ZCWPW2: variants seen among roughly 807,000 people sequenced by gnomAD.
ZCWPW2 encodes zinc finger CW-type and PWWP domain containing 2, also known as zinc finger CW-type PWWP domain protein 2.
ZCWPW2 carries 45 observed loss-of-function variants against 46.6 expected under a neutral mutation model. The ratio of observed to expected loss-of-function variants is 0.96; its 90% CI spans 0.76 to 1.24. The LOEUF is 1.24. ZCWPW2 is among the 50% of genes most tolerant of loss of function. The pLI, the probability that ZCWPW2 is intolerant of heterozygous loss-of-function variation, is 0.00. For synonymous variants in ZCWPW2, 152 were observed against 137.1 expected, an observed-to-expected ratio of 1.11 and a Z score of -0.76; for missense variants, 429 against 403.9, an observed-to-expected ratio of 1.06 and a Z score of -0.53.
intron 1 of ZCWPW2, among the ~76,000 whole-genome samples, chr3:28,351,003 C>T (rs745472818): frequency 2.6e-5 from 4 of 151,334 alleles, no homozygotes; most frequent in Admixed American, 6.6e-5. Context: ...CATATTTTCC[C>T]AAGAGGGAGT....
At chr3:28,385,362 G>C (rs553170180) in intron 1 of ZCWPW2, among the ~76,000 whole-genome samples, 31 of 152,154 alleles carry the variant, frequency 2.0e-4, no homozygotes, top group Non-Finnish European at 4.1e-4. Flanking sequence ...GGCCTGTATA[G>C]CTTTTAATTA....
At chr3:28,367,520 T>C (rs939724855) in intron 1 of ZCWPW2, among the ~76,000 whole-genome samples, 3 of 152,226 alleles carry the variant, frequency 2.0e-5, no homozygotes, top group African/African-American at 7.2e-5. Flanking sequence ...CAGTTTGTTA[T>C]AATTTCTGTT....
At chr3:28,430,619 G>C (rs1359466908) in intron 3 of ZCWPW2, among the ~76,000 whole-genome samples, 3 of 152,144 alleles carry the variant, frequency 2.0e-5, no homozygotes, top group Non-Finnish European at 4.4e-5. Context: ...GATATGGTTT[G>C]GCTCTGTGTC....
At chr3:28,368,542 G>A (rs1403091925) in intron 1 of ZCWPW2, among the ~76,000 whole-genome samples, 1 of 152,126 alleles carries the variant, frequency 6.6e-6, no homozygotes, top group Non-Finnish European at 1.5e-5. Flanking sequence ...TTAGTCTGAT[G>A]GGCTTCCCTT....
chr3:28,389,357 A>G (rs1333922073), intron 1 of ZCWPW2, among the ~76,000 whole-genome samples: 2 of 152,108 alleles, frequency 1.3e-5, no homozygotes, highest in Non-Finnish European at 2.9e-5. Context: ...CACTTTGTCC[A>G]ATAACATGAG....
At chr3:28,477,035 A>G (rs969392619) in intron 4 of ZCWPW2, among the ~76,000 whole-genome samples, 10 of 152,106 alleles carry the variant, frequency 6.6e-5, no homozygotes, top group Non-Finnish European at 2.9e-5. Context: ...GCTTTAGGGA[A>G]TATTATAGCA....
At position 28,525,465 on chromosome 3, in the gene ZCWPW2, T is replaced by TCTTGCTTTACATACACGAA. The variant is rs60365509; in HGVS notation, c.*777_*778insCTTGCTTTACATACACGAA. On this transcript the variant is annotated 3_prime_UTR_variant, in exon 10 of 10. Coordinates refer to ENST00000383768, the MANE Select transcript of ZCWPW2 (RefSeq NM_001040432.4). ...CAGTTTTAGTAGATATCCTTCTAGATATGTGTGGGCATTCACACCTATCTT... is the reference window on the plus strand; with the variant it reads ...CAGTTTTAGTAGATATCCTTCTAGATCTTGCTTTACATACACGAAATGTGTGGGCATTCACACCTATCTT... Among the ~76,000 whole-genome samples, 1 of 151,948 alleles carries TCTTGCTTTACATACACGAA rather than the reference T, an allele frequency of 6.6e-6. No homozygotes were observed. Among genetic ancestry groups the TCTTGCTTTACATACACGAA allele is most frequent in the Admixed American group, 6.6e-5 (1 of 15,246 alleles).
chr3:28,516,424 C>G (rs1043593811), intron 8 of ZCWPW2, among the ~76,000 whole-genome samples: 1 of 152,130 alleles, frequency 6.6e-6, no homozygotes, highest in Non-Finnish European at 1.5e-5. Context: ...AAGCAGAAGA[C>G]TGGGGCTTCC....
chr3:28,437,042 G>A (rs1361620126), intron 4 of ZCWPW2, among the ~76,000 whole-genome samples: 3 of 152,116 alleles, frequency 2.0e-5, no homozygotes, highest in Non-Finnish European at 2.9e-5. Context: ...ATCCTCAAAT[G>A]CTGTCTCTAT....
chr3:28,509,446 CAATA>C (rs1182024993), intron 6 of ZCWPW2, among the ~76,000 whole-genome samples: 1 of 152,060 alleles, frequency 6.6e-6, no homozygotes, highest in Non-Finnish European at 1.5e-5. Flanking sequence ...TTCCCACCAG[CAATA>C]AATAAAGATT....
intron 3 of ZCWPW2, 127 bp downstream of exon 3, chr3:28,413,527 TC>T: frequency 1.2e-6 from 1 of 814,040 alleles, no homozygotes; most frequent in Non-Finnish European, 1.8e-6. Context: ...ATTGCTCTTT[TC>T]CATACTTCTT....
chr3:28,489,591 C>T (rs1047256183), intron 5 of ZCWPW2, among the ~76,000 whole-genome samples: 11 of 151,716 alleles, frequency 7.3e-5, no homozygotes, highest in African/African-American at 2.7e-4. Context: ...AATATATAAT[C>T]ACTAAAGTGT....
At chr3:28,480,279 G>A (rs1330863716) in intron 5 of ZCWPW2, among the ~76,000 whole-genome samples, 1 of 152,168 alleles carries the variant, frequency 6.6e-6, no homozygotes, top group African/African-American at 2.4e-5. Context: ...GTGTGAGATA[G>A]TATCTCATGG....
chr3:28,379,774 C>A (rs569780261), intron 1 of ZCWPW2, among the ~76,000 whole-genome samples: 20 of 151,968 alleles, frequency 1.3e-4, no homozygotes, highest in South Asian at 6.2e-4. Flanking sequence ...AAAATGAGAA[C>A]CTTTTCCATA....
intron 3 of ZCWPW2, among the ~76,000 whole-genome samples, chr3:28,422,807 C>T (rs1477217869): frequency 2.0e-5 from 3 of 151,972 alleles, no homozygotes; most frequent in African/African-American, 7.2e-5. Flanking sequence ...AAATGCTAAA[C>T]TGTCTTCCAA....
chr3:28,373,836 TG>T (rs1252317911), intron 1 of ZCWPW2, among the ~76,000 whole-genome samples: 8 of 152,068 alleles, frequency 5.3e-5, no homozygotes, highest in Admixed American at 4.6e-4. Context: ...AAATTAGATT[TG>T]TTTGTTTTTG....
In ZCWPW2 at chr3:28,434,109, G is replaced by A. The variant is rs186033137; in HGVS notation, c.333-1001G>A. Among the ~76,000 whole-genome samples, 542 of 152,026 alleles carry A rather than the reference G, an allele frequency of 3.6e-3. 3 individuals carry two copies. The highest frequency in any genetic ancestry group is 0.012 in the African/African-American group (493 of 41,478). Reference sequence around the variant, plus strand: ...TTGTTTTTATTTACATTCACAATCAGGAATTTTTACAGTGATTATGTTCCC... The same window carrying A: ...TTGTTTTTATTTACATTCACAATCAAGAATTTTTACAGTGATTATGTTCCC... On this transcript the variant is annotated intron_variant, in intron 3 of 9. Transcript: ENST00000383768.
chr3:28,515,745 G>A (rs7617655), intron 8 of ZCWPW2, 124 bp downstream of exon 8: 299,260 of 719,122 alleles, frequency 0.42, 64,143 homozygotes, highest in East Asian at 0.59. Context: ...GTGTGTGTGT[G>A]TATACACATA....
At chr3:28,429,773 C>A (rs1236493205) in intron 3 of ZCWPW2, among the ~76,000 whole-genome samples, 20 of 152,148 alleles carry the variant, frequency 1.3e-4, no homozygotes, top group Admixed American at 1.3e-3. Context: ...CCAGCCATGG[C>A]TAAAAGGGGT....
Sources: allele counts gnomAD v4.1 joint callset (sites outside exome capture counted in the v4.1 genomes callset), GRCh38; gene constraint gnomAD v4.1.1; transcripts MANE v1.5; gene names NCBI Gene and HGNC (gene_info 2026-07-23, HGNC 2026-07-21).